The following THUMPD2 variants were observed in gnomAD, a reference collection of about 807,000 sequenced individuals.
THUMPD2 encodes the protein U6 snRNA (guanine-N(2))-methyltransferase THUMPD2.
In THUMPD2, 56 loss-of-function variants were observed where a neutral mutation model predicts 49.4. The observed-to-expected ratio is 1.13, with a 90% CI of 0.91 to 1.41. The LOEUF is 1.41. Among genes scored for constraint, THUMPD2 ranks in the 40% most tolerant of loss-of-function variants. The pLI, the probability that THUMPD2 is intolerant of heterozygous loss-of-function variation, is 0.00. For synonymous variants in THUMPD2, 237 were observed against 205.2 expected (o/e 1.15, Z -1.32); for missense variants, 709 against 594.5 (o/e 1.19, Z -2.00).
chr2:39,742,244 G>A (rs1296823773), intron 9 of THUMPD2, among the ~76,000 whole-genome samples: 1 of 152,166 alleles, frequency 6.6e-6, no homozygotes, highest in East Asian at 1.9e-4. Flanking sequence ...AGGTGGCAAG[G>A]AAGCTTGGTC....
In THUMPD2 at chr2:39,770,131, A is replaced by G; in HGVS notation, c.263-12T>C. ...ATTAAATATTTTTCCTAAATAAGAA[A>G]AATCTTGTTGATCCTCTATTGAAGC... On this transcript the variant is annotated splice_polypyrimidine_tract_variant and intron_variant, in intron 2 of 9. Transcript: ENST00000505747. 2 of 1,455,098 alleles carry G rather than the reference A, an allele frequency of 1.4e-6. No homozygotes were observed. The highest frequency in any genetic ancestry group is 9.0e-7 in the Non-Finnish European group (1 of 1,109,014). The allele number at this position is 1,455,098 out of a possible 1,614,324, so 90.1% of individuals were successfully genotyped here. A position where few individuals can be genotyped will look rare whatever the true frequency, so the allele number is the denominator to read the frequency against.
rs906167321 is a variant in THUMPD2 at position 39,769,021 on chromosome 2, G to A, written c.673-520C>T. On this transcript the variant is annotated intron_variant, in intron 3 of 9. Coordinates refer to ENST00000505747, the MANE Select transcript of THUMPD2 (RefSeq NM_025264.5). The stretch of plus-strand genomic sequence containing the variant: ...GTGATGGCAACAGTTTGTGGTGTTC[G>A]CTCTTCTCTACATTGCTGAGACCTC... The A allele has an allele frequency of 2.5e-5, 32 of 1,304,520 alleles. No homozygotes were observed. In the Admixed American group the frequency reaches 2.8e-4, roughly 11 times the overall value. The allele number at this position is 1,304,520 out of a possible 1,614,324, so 80.8% of individuals were successfully genotyped here.
At chr2:39,748,959 C>G (rs1288683240) in intron 8 of THUMPD2, among the ~76,000 whole-genome samples, 4 of 151,648 alleles carry the variant, frequency 2.6e-5, no homozygotes, top group Non-Finnish European at 5.9e-5. Context: ...ACACTCTAGC[C>G]TGGGTGACAG....
At chr2:39,762,498 A>T (rs1366490446) in intron 5 of THUMPD2, among the ~76,000 whole-genome samples, 3 of 152,106 alleles carry the variant, frequency 2.0e-5, no homozygotes, top group African/African-American at 7.2e-5. Flanking sequence ...TATTATAATG[A>T]GGAAGTTCTA....
chr2:39,738,621 TTATA>T (rs1381386353), intron 9 of THUMPD2, among the ~76,000 whole-genome samples: 3 of 119,148 alleles, frequency 2.5e-5, no homozygotes, highest in Non-Finnish European at 4.9e-5. Flanking sequence ...ATAATATATA[TTATA>T]TATTTACATA....
intron 3 of THUMPD2, chr2:39,768,993 C>T (rs1355276157): frequency 7.7e-7 from 1 of 1,304,618 alleles, no homozygotes; most frequent in South Asian, 1.2e-5. Flanking sequence ...CTGATGAGGT[C>T]TGGTGATGGC....
intron 9 of THUMPD2, among the ~76,000 whole-genome samples, chr2:39,744,128 A>G (rs1674270817): frequency 1.3e-5 from 2 of 151,796 alleles, no homozygotes; most frequent in South Asian, 4.1e-4. Flanking sequence ...ACTATTTCAT[A>G]CATTCAAATC....
At chr2:39,757,396 A>T in intron 6 of THUMPD2, 1 of 1,303,756 alleles carries the variant, frequency 7.7e-7, no homozygotes, top group Middle Eastern at 2.1e-4. Flanking sequence ...AATGTTCTTC[A>T]AGAGACAGAA....
chr2:39,746,885 C>A (rs1024469296), intron 8 of THUMPD2, among the ~76,000 whole-genome samples: 8 of 134,280 alleles, frequency 6.0e-5, no homozygotes, highest in African/African-American at 2.3e-4. Context: ...GTTCCTTGTT[C>A]TTTCTGTTTA....
chr2:39,761,117 G>C (rs1237200149), intron 6 of THUMPD2, among the ~76,000 whole-genome samples: 1 of 152,040 alleles, frequency 6.6e-6, no homozygotes, highest in African/African-American at 2.4e-5. Flanking sequence ...TTTTGACTCA[G>C]CTTTTTCAGA....
At chr2:39,773,951 T>G (rs1173000112) in intron 1 of THUMPD2, among the ~76,000 whole-genome samples, 2 of 152,254 alleles carry the variant, frequency 1.3e-5, no homozygotes, top group African/African-American at 4.8e-5. Flanking sequence ...CATTATGATA[T>G]TGATAAGAAA....
chr2:39,752,322 A>T (rs2148240637), intron 8 of THUMPD2, among the ~76,000 whole-genome samples: 1 of 152,316 alleles, frequency 6.6e-6, no homozygotes, highest in Admixed American at 6.5e-5. Context: ...GCTGAAGGCC[A>T]TACAGTGAAA....
In THUMPD2 at chr2:39,736,276, A is replaced by G. The variant is rs1673071462; in HGVS notation, c.*459T>C. On this transcript the variant is annotated 3_prime_UTR_variant, in exon 10 of 10. Coordinates refer to ENST00000505747, the MANE Select transcript of THUMPD2 (RefSeq NM_025264.5). ...ACATATAAAATGTATTGCAAATACA[A>G]ATTATTTTCATTCCAATGGAGAAGA... The G allele has an allele frequency of 6.5e-6, 1 of 153,808 alleles. No homozygotes were observed. The highest frequency in any genetic ancestry group is 2.4e-5 in the African/African-American group (1 of 41,486). 9.5% of individuals were successfully genotyped at this position (153,808 alleles called of 1,614,324 possible).
intron 9 of THUMPD2, 147 bp from the exon 10 acceptor site, chr2:39,737,206 T>C: frequency 1.4e-6 from 1 of 701,066 alleles, no homozygotes; most frequent in South Asian, 2.1e-5. Flanking sequence ...AGGTAGTATC[T>C]TCTATAATGT....
At chr2:39,777,189 G>A (rs1321429135) in intron 1 of THUMPD2, among the ~76,000 whole-genome samples, 1 of 152,218 alleles carries the variant, frequency 6.6e-6, no homozygotes, top group African/African-American at 2.4e-5. Flanking sequence ...TTCAGGGACT[G>A]CAGTAATCCT....
intron 5 of THUMPD2, 34 bp downstream of exon 5, chr2:39,766,023 C>G: frequency 1.3e-6 from 2 of 1,538,588 alleles, no homozygotes; most frequent in Non-Finnish European, 1.8e-6. Flanking sequence ...AACCATCTGT[C>G]TTATGGGACA....
chr2:39,755,014 G>A (rs1333633753), intron 8 of THUMPD2, among the ~76,000 whole-genome samples: 1 of 149,942 alleles, frequency 6.7e-6, no homozygotes, highest in Non-Finnish European at 1.5e-5. Context: ...TCTGATACGA[G>A]AAATGGTTCA....
At chr2:39,775,600 C>A (rs1214613405) in intron 1 of THUMPD2, among the ~76,000 whole-genome samples, 2 of 151,842 alleles carry the variant, frequency 1.3e-5, no homozygotes. Flanking sequence ...TTAGCAGAAA[C>A]CCTGTCTGTA....
intron 6 of THUMPD2, chr2:39,757,209 T>A (rs1039344017): frequency 1.5e-5 from 6 of 405,846 alleles, no homozygotes; most frequent in East Asian, 7.4e-5. Context: ...GAGAAAACAA[T>A]TGTCTAGAAG....
Sources: allele counts gnomAD v4.1 joint callset (sites outside exome capture counted in the v4.1 genomes callset), GRCh38; gene constraint gnomAD v4.1.1; transcripts MANE v1.5; gene names NCBI Gene and HGNC (gene_info 2026-07-23, HGNC 2026-07-21).